PIK3CD: variants seen among roughly 807,000 people sequenced by gnomAD.
PIK3CD encodes phosphatidylinositol 4,5-bisphosphate 3-kinase catalytic subunit delta isoform.
Under a neutral mutation model 122.9 loss-of-function variants are expected in PIK3CD, and 20 were observed. The ratio of observed to expected loss-of-function variants is 0.16; its 90% CI spans 0.11 to 0.24. The LOEUF (loss-of-function observed/expected upper bound fraction) is 0.24. Among genes scored for constraint, PIK3CD ranks in the 10% least tolerant of loss-of-function variants. The pLI, the probability that PIK3CD is intolerant of heterozygous loss-of-function variation, is 1.00. For synonymous variants in PIK3CD, 596 were observed against 593.4 expected (o/e 1.00, Z -0.06); for missense variants, 787 against 1,406.3 (o/e 0.56, Z 7.04).
rs538179415 is a variant in PIK3CD at position 9,707,928 on chromosome 1, G to A, written c.-32-2496G>A. 2.6e-5 allele frequency among the ~76,000 whole-genome samples: 4 copies of A among 151,590 alleles called. No homozygotes were observed. In the East Asian group the frequency reaches 7.8e-4, roughly 30 times the overall value. On this transcript the variant is annotated intron_variant, in intron 2 of 23. Coordinates refer to ENST00000377346, the MANE Select transcript of PIK3CD (RefSeq NM_005026.5). Reference sequence around the variant, plus strand: ...CCTGCCTCAGCCTCCCAAGTAGCTGGGACTATGGGTGCCCGCCACCACGCC... The same window carrying A: ...CCTGCCTCAGCCTCCCAAGTAGCTGAGACTATGGGTGCCCGCCACCACGCC...
At chr1:9,726,353 C>CAA (rs1164825623) in intron 23 of PIK3CD, among the ~76,000 whole-genome samples, 1 of 151,758 alleles carries the variant, frequency 6.6e-6, no homozygotes, top group Non-Finnish European at 1.5e-5. Context: ...CTAAAAAATA[C>CAA]AAAAAATTAG....
chr1:9,634,926 T>C, the PIK3CD span, among the ~76,000 whole-genome samples: 1 of 152,188 alleles, frequency 6.6e-6, no homozygotes, highest in Non-Finnish European at 1.5e-5. Context: ...GTGATCTTAA[T>C]TGGAAATAAG....
intron 1 of PIK3CD, chr1:9,653,889 A>G (rs754110291): frequency 6.9e-5 from 94 of 1,367,216 alleles, no homozygotes; most frequent in Admixed American, 2.5e-4. Flanking sequence ...AAGACACTGG[A>G]GTGGGCTGGA....
At chr1:9,628,703 G>A in the PIK3CD span, among the ~76,000 whole-genome samples, 9 of 152,326 alleles carry the variant, frequency 5.9e-5, no homozygotes, top group Middle Eastern at 3.4e-3. Context: ...TTGGTTGGAG[G>A]TGTGTTGAGT....
At position 9,700,699 on chromosome 1, in the gene PIK3CD, G is replaced by A. The variant is rs886207370; in HGVS notation, c.-33+9128G>A. Among the ~76,000 whole-genome samples, 2 of 152,114 alleles carry A rather than the reference G, an allele frequency of 1.3e-5. No homozygotes were observed. Among genetic ancestry groups the A allele is most frequent in the African/African-American group, 4.8e-5 (2 of 41,426 alleles). On this transcript the variant is annotated intron_variant, in intron 2 of 23. Coordinates refer to ENST00000377346, the MANE Select transcript of PIK3CD (RefSeq NM_005026.5). The surrounding 1 kb of genome is among the most constrained non-coding windows in gnomAD (Gnocchi z 5.1). ...TCTGTCCCCCGCCCTCCCACCTGGG[G>A]AGTTTGCCCCTGGCGGTCTTTACGT...
chr1:9,648,040 C>T (rs1006157650), upstream of PIK3CD, among the ~76,000 whole-genome samples: 7 of 152,192 alleles, frequency 4.6e-5, no homozygotes, highest in Non-Finnish European at 7.3e-5. Context: ...CCATGAATGA[C>T]TCCATATTGG....
At chr1:9,651,275 C>T (rs951170608), upstream of PIK3CD, among the ~76,000 whole-genome samples, 6 of 152,218 alleles carry the variant, frequency 3.9e-5, no homozygotes, top group Non-Finnish European at 7.3e-5. Flanking sequence ...GTGGCACACG[C>T]TGGTCTCCCA....
intron 23 of PIK3CD, among the ~76,000 whole-genome samples, chr1:9,726,423 C>T (rs1214866897): frequency 6.6e-6 from 1 of 152,202 alleles, no homozygotes; most frequent in East Asian, 1.9e-4. Flanking sequence ...GCAGAAGAAT[C>T]ACTTGAACCT....
chr1:9,628,873 C>T, the PIK3CD span, among the ~76,000 whole-genome samples: 13 of 152,198 alleles, frequency 8.5e-5, no homozygotes, highest in Non-Finnish European at 1.2e-4. Context: ...AGGGTGATCC[C>T]GAGGACTCAG....
rs1646583159 is a variant in PIK3CD, at chr1:9,700,432, A to G, written c.-33+8861A>G. Among the ~76,000 whole-genome samples, 1 of 152,188 alleles carries G rather than the reference A, an allele frequency of 6.6e-6. No individual in the cohort carries two copies. Among genetic ancestry groups the G allele is most frequent in the Admixed American group, 6.5e-5 (1 of 15,268 alleles). On this transcript the variant is annotated intron_variant, in intron 2 of 23. Coordinates refer to ENST00000377346, the MANE Select transcript of PIK3CD (RefSeq NM_005026.5). This position sits in a 1 kb window ranked among gnomAD's most constrained non-coding sequence, Gnocchi z 5.1. ...CTTTGCACAGCTGTTTCTGTGGATCATGCTGGCCAGGAGGTGGGAAGGTGA... is the reference window on the plus strand; with the variant it reads ...CTTTGCACAGCTGTTTCTGTGGATCGTGCTGGCCAGGAGGTGGGAAGGTGA...
At chr1:9,629,513 A>G in the PIK3CD span, among the ~76,000 whole-genome samples, 1 of 141,762 alleles carries the variant, frequency 7.1e-6, no homozygotes, top group East Asian at 2.2e-4. Flanking sequence ...ACATACCACA[A>G]ATAGAAATCA....
the PIK3CD span, among the ~76,000 whole-genome samples, chr1:9,643,364 C>T: frequency 6.7e-6 from 1 of 150,164 alleles, no homozygotes; most frequent in Non-Finnish European, 1.5e-5. Flanking sequence ...GCTAAGATCA[C>T]GCAATTGCAC....
the PIK3CD span, among the ~76,000 whole-genome samples, chr1:9,642,175 C>T: frequency 2.3e-4 from 35 of 151,932 alleles, no homozygotes; most frequent in Admixed American, 1.9e-3. Flanking sequence ...TGCAATGGTG[C>T]GATCTTGGCT....
chr1:9,634,721 C>T, the PIK3CD span, among the ~76,000 whole-genome samples: 4 of 152,178 alleles, frequency 2.6e-5, no homozygotes, highest in South Asian at 2.1e-4. Flanking sequence ...ACCTCATTGC[C>T]CCTCACTCTG....
the PIK3CD span, among the ~76,000 whole-genome samples, chr1:9,634,266 C>T: frequency 1.3e-5 from 2 of 150,130 alleles, no homozygotes; most frequent in East Asian, 2.0e-4. Context: ...CGATTCTCCT[C>T]AGATTCTGCC....
chr1:9,685,461 C>T (rs900504278), intron 1 of PIK3CD, among the ~76,000 whole-genome samples: 1 of 151,986 alleles, frequency 6.6e-6, no homozygotes, highest in Non-Finnish European at 1.5e-5. Context: ...CAGGTTCAAG[C>T]GAATCTCGTG....
At chr1:9,635,997 A>C in the PIK3CD span, among the ~76,000 whole-genome samples, 1 of 152,230 alleles carries the variant, frequency 6.6e-6, no homozygotes, top group East Asian at 1.9e-4. Flanking sequence ...AAAGGAAGTA[A>C]ATAAATAAAT....
At chr1:9,640,194 C>A in the PIK3CD span, among the ~76,000 whole-genome samples, 8 of 151,922 alleles carry the variant, frequency 5.3e-5, no homozygotes, top group Non-Finnish European at 1.2e-4. Flanking sequence ...TAAGATGCTC[C>A]AGTTTCATCT....
At chr1:9,679,670 A>T (rs556017339) in intron 1 of PIK3CD, among the ~76,000 whole-genome samples, 9 of 152,012 alleles carry the variant, frequency 5.9e-5, no homozygotes, top group Non-Finnish European at 8.8e-5. Context: ...TCCTGGTGCC[A>T]TTCCTTGGGC....
Sources: allele counts gnomAD v4.1 joint callset (sites outside exome capture counted in the v4.1 genomes callset), GRCh38; gene constraint gnomAD v4.1.1; non-coding constraint Gnocchi (gnomAD v3.1); transcripts MANE v1.5; gene names NCBI Gene and HGNC (gene_info 2026-07-23, HGNC 2026-07-21).